ANKRD55: variants seen among roughly 807,000 people sequenced by gnomAD.
ANKRD55 encodes ankyrin repeat domain-containing protein 55.
Under a neutral mutation model 60.6 loss-of-function variants are expected in ANKRD55, and 41 were observed. That is an observed-to-expected ratio of 0.68 (90% CI 0.53 to 0.88). ANKRD55 has a LOEUF of 0.88. Ranked by LOEUF, ANKRD55 falls within the 40% of genes least tolerant of loss-of-function variation. The probability of loss-of-function intolerance (pLI) is 0.00; values close to 1 mark genes in which losing one functional copy is unlikely to be tolerated. For missense variants in ANKRD55, 732 were observed against 767.6 expected (o/e 0.95, Z 0.55); for synonymous variants, 264 against 290.3 (o/e 0.91, Z 0.92).
At chr5:56,173,541 CCTCTCTCTCTCTCTCTCTCTCT>C (rs71578616) in intron 4 of ANKRD55, among the ~76,000 whole-genome samples, 1 of 61,532 alleles carries the variant, frequency 1.6e-5, no homozygotes, top group African/African-American at 6.0e-5. Context: ...TAGAGATTCG[CCTCTCTCTCTCTCTCTCTCTCT>C]CTCTCTCTCT....
At chr5:56,137,487 T>C (rs964726307) in intron 7 of ANKRD55, 5 of 804,594 alleles carry the variant, frequency 6.2e-6, no homozygotes, top group African/African-American at 3.4e-5. Context: ...GAAAAAGATA[T>C]CCCAGAAGAA....
At chr5:56,210,534 C>T (rs1353521059) in intron 2 of ANKRD55, among the ~76,000 whole-genome samples, 2 of 131,200 alleles carry the variant, frequency 1.5e-5, no homozygotes, top group African/African-American at 6.0e-5. Flanking sequence ...TGCCTCCAGC[C>T]TGGGCGACAG....
Position 56,143,942 on chromosome 5 carries a change from A to C in ANKRD55, c.484-13T>G. ...GTGGTGTCATTCCCTGCAAAACAACAGTCAGAGAGGACAGAGATGAGCACA... is the reference window on the plus strand; with the variant it reads ...GTGGTGTCATTCCCTGCAAAACAACCGTCAGAGAGGACAGAGATGAGCACA... On this transcript the variant is annotated splice_polypyrimidine_tract_variant and intron_variant, in intron 6 of 11. Transcript: ENST00000341048. 1 of 1,613,646 alleles carries C rather than the reference A, an allele frequency of 6.2e-7. No individual in the cohort carries two copies.
At chr5:56,139,134 T>C (rs949743269) in intron 7 of ANKRD55, among the ~76,000 whole-genome samples, 1 of 152,198 alleles carries the variant, frequency 6.6e-6, no homozygotes, top group African/African-American at 2.4e-5. Flanking sequence ...AATCTTCCTC[T>C]CAATTTTATT....
intron 9 of ANKRD55, among the ~76,000 whole-genome samples, chr5:56,115,953 C>A (rs1483997427): frequency 6.6e-6 from 1 of 151,986 alleles, no homozygotes; most frequent in Non-Finnish European, 1.5e-5. Flanking sequence ...CGCCCAGGTT[C>A]AAGCTATTCT....
At chr5:56,215,242 C>T (rs962356261) in intron 2 of ANKRD55, among the ~76,000 whole-genome samples, 3 of 152,180 alleles carry the variant, frequency 2.0e-5, no homozygotes, top group African/African-American at 7.2e-5. Flanking sequence ...TGATAAAAGC[C>T]AAGCCCTGGC....
At chr5:56,165,658 G>T (rs1297183927) in intron 5 of ANKRD55, among the ~76,000 whole-genome samples, 3 of 152,096 alleles carry the variant, frequency 2.0e-5, no homozygotes, top group Non-Finnish European at 4.4e-5. Flanking sequence ...CGCCAGGTGT[G>T]GTGGCTCACT....
chr5:56,111,368 G>A lies in ANKRD55; in HGVS notation c.1380C>T (p.Ser460=). Residue 460 remains serine (S), a synonymous_variant, in exon 10 of 12, where the codon AGC becomes AGT. Coordinates refer to ENST00000341048, the MANE Select transcript of ANKRD55 (RefSeq NM_024669.3). The stretch of plus-strand genomic sequence containing the variant: ...GCTGGGCCATATGATGAGGAGCAGA[G>A]CTCAGGCCTGCATGGGAAGTGGCCC... ...SHRATSHAGL[S]SAPHHMAQRS... The A allele has an allele frequency of 6.2e-7, 1 of 1,614,184 alleles. No individual in the cohort carries two copies. The highest frequency in any genetic ancestry group is 8.5e-7 in the Non-Finnish European group (1 of 1,180,048).
At chr5:56,209,536 G>A (rs958910463) in intron 2 of ANKRD55, among the ~76,000 whole-genome samples, 1 of 149,526 alleles carries the variant, frequency 6.7e-6, no homozygotes, top group African/African-American at 2.5e-5. Flanking sequence ...GTGCGATCTC[G>A]GCTCACTGCA....
intron 8 of ANKRD55, among the ~76,000 whole-genome samples, chr5:56,118,792 A>G (rs1756954498): frequency 6.6e-6 from 1 of 152,214 alleles, no homozygotes; most frequent in Non-Finnish European, 1.5e-5. Context: ...GGTACTCAAT[A>G]ACATCTGTCA....
intron 5 of ANKRD55, among the ~76,000 whole-genome samples, chr5:56,168,326 G>C (rs1277277291): frequency 6.6e-6 from 1 of 152,152 alleles, no homozygotes; most frequent in Non-Finnish European, 1.5e-5. Context: ...AACAATTCAT[G>C]TTTTAAATTG....
chr5:56,208,177 C>T (rs1322102811), intron 2 of ANKRD55, among the ~76,000 whole-genome samples: 1 of 152,028 alleles, frequency 6.6e-6, no homozygotes, highest in Non-Finnish European at 1.5e-5. Context: ...TCTTGTCCCA[C>T]TGGAAGCTCT....
intron 2 of ANKRD55, among the ~76,000 whole-genome samples, chr5:56,195,114 C>T (rs987768608): frequency 2.0e-5 from 3 of 152,116 alleles, no homozygotes; most frequent in Non-Finnish European, 4.4e-5. Flanking sequence ...TTATAAATAG[C>T]AATCTGAAGG....
At chr5:56,170,159 G>A (rs751388850) in intron 5 of ANKRD55, among the ~76,000 whole-genome samples, 2 of 152,120 alleles carry the variant, frequency 1.3e-5, no homozygotes, top group Non-Finnish European at 2.9e-5. Context: ...CCTAGAGGCT[G>A]GCATGGCCCT....
intron 7 of ANKRD55, among the ~76,000 whole-genome samples, chr5:56,134,396 G>A (rs1375051296): frequency 2.6e-5 from 3 of 113,294 alleles, no homozygotes; most frequent in Non-Finnish European, 4.2e-5. Context: ...TGGCCAACAT[G>A]GCGAAACCTG....
chr5:56,159,368 G>A (rs1020122230), intron 6 of ANKRD55, among the ~76,000 whole-genome samples: 1 of 152,056 alleles, frequency 6.6e-6, no homozygotes, highest in Non-Finnish European at 1.5e-5. Context: ...GGTTGAGGCA[G>A]GAGAATCACT....
At chr5:56,215,829 G>A (rs1477746565) in intron 2 of ANKRD55, among the ~76,000 whole-genome samples, 1 of 152,138 alleles carries the variant, frequency 6.6e-6, no homozygotes, top group East Asian at 1.9e-4. Flanking sequence ...CATGGGAACT[G>A]CTTAATAACC....
chr5:56,166,158 T>C (rs433183), intron 5 of ANKRD55, among the ~76,000 whole-genome samples: 34,681 of 72,376 alleles, frequency 0.48, 9,005 homozygotes, highest in Admixed American at 0.5. Context: ...TTCTTTCTTC[T>C]TTCCTTCCTT....
At chr5:56,194,422 A>AC (rs1467578191) in intron 2 of ANKRD55, among the ~76,000 whole-genome samples, 3 of 151,912 alleles carry the variant, frequency 2.0e-5, no homozygotes, top group East Asian at 1.9e-4. Context: ...AAATGATCCA[A>AC]CCCCCCCAAC....
Sources: allele counts gnomAD v4.1 joint callset (sites outside exome capture counted in the v4.1 genomes callset), GRCh38; gene constraint gnomAD v4.1.1; transcripts MANE v1.5; gene names NCBI Gene and HGNC (gene_info 2026-07-23, HGNC 2026-07-21).